CUX2: variants seen among roughly 807,000 people sequenced by gnomAD.
CUX2 encodes homeobox protein cut-like 2.
In CUX2, 40 loss-of-function variants were observed where a neutral mutation model predicts 144.8. The ratio of observed to expected loss-of-function variants is 0.28; its 90% CI spans 0.21 to 0.36. The LOEUF (loss-of-function observed/expected upper bound fraction) is 0.36, where lower values mean the gene tolerates loss of function less well. Ranked by LOEUF, CUX2 falls within the 10% of genes least tolerant of loss-of-function variation. The pLI, the probability that CUX2 is intolerant of heterozygous loss-of-function variation, is 1.00. For missense variants in CUX2, 1,615 were observed against 1,994.0 expected (o/e 0.81, Z 3.62); for synonymous variants, 827 against 875.6 (o/e 0.94, Z 0.98).
At chr12:111,046,247 G>C (rs538353922) in intron 1 of CUX2, among the ~76,000 whole-genome samples, 55 of 152,360 alleles carry the variant, frequency 3.6e-4, no homozygotes, top group African/African-American at 1.3e-3. Flanking sequence ...GCAAGGCTGG[G>C]CCTGGCTTTG....
chr12:111,149,440 T>A (rs1395893106), intron 1 of CUX2, among the ~76,000 whole-genome samples: 5 of 151,982 alleles, frequency 3.3e-5, no homozygotes, highest in African/African-American at 1.2e-4. Context: ...TTGTGGGGGG[T>A]TGCCTGTATA....
rs144415619 is a variant in CUX2, at chr12:111,285,812, G to A, written c.302-5606G>A. Among the ~76,000 whole-genome samples the A allele has an allele frequency of 1.4e-4, 22 of 152,338 alleles. No individual in the cohort carries two copies. The East Asian group carries it at 3.5e-3, about 24-fold the overall frequency. ...GGCCGTTAGGACTCCGTTGCAGCCCGACTTTGGCCAAGGCATCTGGATGTC... is the reference window on the plus strand; with the variant it reads ...GGCCGTTAGGACTCCGTTGCAGCCCAACTTTGGCCAAGGCATCTGGATGTC... On this transcript the variant is annotated intron_variant, in intron 4 of 21. Transcript: ENST00000261726.
At chr12:111,217,809 G>A (rs1186215160) in intron 2 of CUX2, 81 bp from the exon 3 acceptor site, 13 of 1,425,156 alleles carry the variant, frequency 9.1e-6, no homozygotes. Context: ...CTGAGCCAGG[G>A]ACAGCAGCGA....
chr12:111,118,958 T>C (rs1368775327), intron 1 of CUX2, among the ~76,000 whole-genome samples: 2 of 152,172 alleles, frequency 1.3e-5, no homozygotes, highest in Admixed American at 6.5e-5. Flanking sequence ...GGAGAAAACA[T>C]GTTAGGAAAA....
chr12:111,262,201 G>A (rs1884161936), intron 3 of CUX2, among the ~76,000 whole-genome samples: 1 of 152,130 alleles, frequency 6.6e-6, no homozygotes, highest in African/African-American at 2.4e-5. Context: ...CCATAAGGGT[G>A]GGACATGAGT....
chr12:111,165,685 T>C (rs1878095293), intron 1 of CUX2, among the ~76,000 whole-genome samples: 1 of 152,196 alleles, frequency 6.6e-6, no homozygotes, highest in Non-Finnish European at 1.5e-5. Context: ...CGTGCAGCAG[T>C]GACCAGAGCT....
intron 1 of CUX2, among the ~76,000 whole-genome samples, chr12:111,050,069 A>T (rs1390927930): frequency 6.6e-6 from 1 of 151,992 alleles, no homozygotes; most frequent in East Asian, 1.9e-4. Flanking sequence ...CTTCACCTAC[A>T]TCCTCCTCTC....
intron 3 of CUX2, among the ~76,000 whole-genome samples, chr12:111,235,704 G>A (rs1406529356): frequency 1.3e-5 from 2 of 151,700 alleles, no homozygotes; most frequent in South Asian, 4.2e-4. Context: ...CCAGGCAACA[G>A]AGTAAGACTC....
chr12:111,048,732 G>A (rs149522209), intron 1 of CUX2, among the ~76,000 whole-genome samples: 311 of 152,272 alleles, frequency 2.0e-3, no homozygotes, highest in Admixed American at 4.8e-3. Flanking sequence ...TGTAGAGCCC[G>A]GGCCACATGC....
At chr12:111,170,919 G>T (rs111884672) in intron 1 of CUX2, among the ~76,000 whole-genome samples, 1 of 152,088 alleles carries the variant, frequency 6.6e-6, no homozygotes, top group South Asian at 2.1e-4. Flanking sequence ...CCTGGGAAGC[G>T]GGAGAGATTA....
chr12:111,239,474 C>T (rs532030681), intron 3 of CUX2, among the ~76,000 whole-genome samples: 7 of 152,236 alleles, frequency 4.6e-5, no homozygotes, highest in East Asian at 1.9e-4. Flanking sequence ...GTCGGGTGTA[C>T]GCCTTAGCAG....
Position 111,302,391 on chromosome 12 carries a change from C to G in CUX2, c.754-1819C>G, listed in dbSNP as rs574045410. Among the ~76,000 whole-genome samples the G allele has an allele frequency of 3.9e-5, 6 of 152,308 alleles. 1 individual carries two copies. Among genetic ancestry groups the G allele is most frequent in the African/African-American group, 1.4e-4 (6 of 41,554 alleles). ...TACCAAATTGCATTTGGCCAAACCA[C>G]TTCATTTGCAGAACAACCCTATGAG... On this transcript the variant is annotated intron_variant, in intron 9 of 21. Transcript: ENST00000261726.
chr12:111,078,118 G>C (rs1433383188), intron 1 of CUX2, among the ~76,000 whole-genome samples: 2 of 152,290 alleles, frequency 1.3e-5, no homozygotes, highest in South Asian at 4.2e-4. Context: ...TTGTGGAGCA[G>C]TGGGGTGTTG....
intron 3 of CUX2, among the ~76,000 whole-genome samples, chr12:111,233,440 A>C (rs1393938801): frequency 6.6e-6 from 1 of 152,190 alleles, no homozygotes; most frequent in Non-Finnish European, 1.5e-5. Context: ...ACAAGCACAA[A>C]ATAATAACAC....
At chr12:111,101,848 G>T (rs1873264231) in intron 1 of CUX2, among the ~76,000 whole-genome samples, 1 of 152,134 alleles carries the variant, frequency 6.6e-6, no homozygotes, top group Non-Finnish European at 1.5e-5. Context: ...ATATCAGGCA[G>T]GTCACTTTAT....
At chr12:111,297,486 G>C (rs770725583) in intron 8 of CUX2, among the ~76,000 whole-genome samples, 2 of 152,180 alleles carry the variant, frequency 1.3e-5, no homozygotes, top group Non-Finnish European at 2.9e-5. Context: ...TAATGTCCTG[G>C]GACCTGGGCT....
Position 111,341,771 on chromosome 12 carries a change from T to C in CUX2, c.3386-9T>C. ...CACCTCTCAGCCCTCCCTCTCTTCC[T>C]GGCCCCAGCCTACCTGAAACGTCGC... On this transcript the variant is annotated splice_polypyrimidine_tract_variant and intron_variant, in intron 20 of 21. Coordinates refer to ENST00000261726, the MANE Select transcript of CUX2 (RefSeq NM_015267.4). The C allele has an allele frequency of 6.4e-7, 1 of 1,574,668 alleles. No individual in the cohort carries two copies. Among genetic ancestry groups the C allele is most frequent in the South Asian group, 1.2e-5 (1 of 86,696 alleles).
intron 1 of CUX2, among the ~76,000 whole-genome samples, chr12:111,082,786 G>A (rs1871973193): frequency 6.6e-6 from 1 of 152,196 alleles, no homozygotes; most frequent in Non-Finnish European, 1.5e-5. Flanking sequence ...GCCACACCCT[G>A]GGGGCCCTGA....
Position 111,160,483 on chromosome 12 carries a change from C to T in CUX2, c.64-53717C>T, listed in dbSNP as rs959805424. On this transcript the variant is annotated intron_variant, in intron 1 of 21. Transcript: ENST00000261726. The surrounding 1 kb of genome is among the most constrained non-coding windows in gnomAD (Gnocchi z 4.1). ...GTGCCTGTGTGTCTGCATGTGCACA[C>T]GTGCAGTGTGTCAGGGAGGGCCCTT... Among the ~76,000 whole-genome samples the T allele has an allele frequency of 2.0e-5, 3 of 152,120 alleles. No individual in the cohort carries two copies. Among genetic ancestry groups the T allele is most frequent in the Non-Finnish European group, 2.9e-5 (2 of 68,028 alleles).
Sources: gnomAD v4.1 joint callset for allele counts (sites outside exome capture counted in the v4.1 genomes callset) on GRCh38, gnomAD v4.1.1 for gene constraint, Gnocchi (gnomAD v3.1) non-coding constraint, MANE v1.5 for transcripts, NCBI Gene and HGNC (gene_info 2026-07-23, HGNC 2026-07-21) for gene names.